Variants in C1R observed in about 807,000 individuals in gnomAD.
C1R encodes the protein complement C1r, also known as complement C1r subcomponent.
A neutral mutation model predicts 27.6 loss-of-function variants in C1R; 15 were observed. The observed-to-expected ratio is 0.54, with a 90% CI of 0.36 to 0.84. The LOEUF (loss-of-function observed/expected upper bound fraction) is 0.84. Ranked by LOEUF, C1R falls within the 40% of genes least tolerant of loss-of-function variation. C1R has a pLI of 0.01. For synonymous variants in C1R, 253 were observed against 228.8 expected, an observed-to-expected ratio of 1.11 and a Z score of -0.95; for missense variants, 544 against 577.9, an observed-to-expected ratio of 0.94 and a Z score of 0.60.
rs1424171711 is a variant in C1R, at chr12:7,080,724, G to C, written c.1926C>G (p.His642Gln). 5 of 1,613,832 alleles carry C rather than the reference G, an allele frequency of 3.1e-6. No individual in the cohort carries two copies. Among genetic ancestry groups the C allele is most frequent in the Non-Finnish European group, 4.2e-6 (5 of 1,179,902 alleles). The change falls in exon 11 of 11, where the codon CAC becomes CAG. Residue 642 changes from histidine to glutamine, a missense_variant. Physicochemically the swap from His to Gln is conservative, Grantham distance 24. Transcript: ENST00000647956. The surrounding 1 kb of genome is among the most constrained non-coding windows in gnomAD (Gnocchi z 4.9). ...VFSQNMFCAG[H>Q]PSLKQDACQG... The stretch of plus-strand genomic sequence containing the variant: ...GGCAGGCGTCCTGCTTTAGAGATGG[G>C]TGTCCAGCACAGAACATGTTTTGAG...
At chr12:7,081,933 C>A in intron 10 of C1R, 99 bp downstream of exon 10, 1 of 992,954 alleles carries the variant, frequency 1.0e-6, no homozygotes, top group Non-Finnish European at 1.5e-6. Context: ...GGATGTTCCC[C>A]TCTTCTCTCC....
At position 7,089,357 on chromosome 12, in the gene C1R, T is replaced by C. The variant is rs763297354; in HGVS notation, c.704A>G (p.Lys235Arg). 263 of 780,588 alleles carry C rather than the reference T, an allele frequency of 3.4e-4. 5 individuals carry two copies. Among genetic ancestry groups the C allele is most frequent in the South Asian group, 2.8e-3 (211 of 74,608 alleles). 48.4% of individuals were successfully genotyped at this position (780,588 alleles called of 1,614,324 possible). The change falls in exon 5 of 11, where the codon AAG (lysine) becomes AGG (arginine). Residue 235 changes from lysine (K) to arginine (R), a missense_variant. Lys to Arg is a conservative substitution (Grantham distance 26, BLOSUM62 2). This residue lies in a region of C1R where 291 missense variants were observed against 209.0 expected (regional missense o/e 1.39). Transcript: ENST00000647956. ...ATCAATATCAAAAGGCTCCAGGAAC[T>C]TGAGGTGCAGGGTGAGGCCCCGCTC... ...RVERGLTLHL[K>R]FLEPFDIDDH...
In C1R at chr12:7,080,953, C is replaced by T. The variant is rs769272957; in HGVS notation, c.1697G>A (p.Ser566Asn). ...GDIALLELEN[S>N]VTLGPNLLPI... ...GAGGAGGTTGGGACCCAGGGTGACA[C>T]TATTTTCCAGCTCCAGCAGGGCGAT... Residue 566 changes from serine to asparagine, a missense_variant, in exon 11 of 11, where the codon AGT becomes AAT. By Grantham distance (46) the Ser-to-Asn change is conservative (BLOSUM62 1). Around this residue, in one of 2 missense-constraint regions of C1R, gnomAD observed 253 missense variants for 368.9 expected, o/e 0.69. Coordinates refer to ENST00000647956, the MANE Select transcript of C1R (RefSeq NM_001733.7). The surrounding 1 kb of genome is among the most constrained non-coding windows in gnomAD (Gnocchi z 4.9). The T allele has an allele frequency of 3.4e-5, 55 of 1,613,342 alleles. 1 individual carries two copies. In the Middle Eastern group the frequency reaches 6.6e-4, roughly 19 times the overall value.
intron 10 of C1R, 105 bp downstream of exon 10, chr12:7,081,927 G>T: frequency 1.1e-6 from 1 of 915,812 alleles, no homozygotes; most frequent in Non-Finnish European, 1.6e-6. Flanking sequence ...CTCCTGGGAT[G>T]TTCCCCTCTT....
At position 7,081,191 on chromosome 12, in the gene C1R, C is replaced by T. The variant is rs1425082922; in HGVS notation, c.1459G>A (p.Gly487Arg). The change falls in exon 11 of 11, where the codon GGG (glycine) becomes AGG (arginine). Residue 487 changes from glycine to arginine, a missense_variant. By Grantham distance (125) the Gly-to-Arg change is moderately radical (BLOSUM62 -2). This residue lies in a region of C1R where 253 missense variants were observed against 368.9 expected (regional missense o/e 0.69). Transcript: ENST00000647956. Reference protein sequence around the residue: ...WQVFTNIHGRGGGALLGDRWI... With the variant: ...WQVFTNIHGRRGGALLGDRWI... ...CGGTCGCCCAGCAGGGCCCCGCCCC[C>T]GCGCCCGTGGATGTTGGTGAACACC... 3.1e-6 allele frequency: 5 copies of T among 1,613,710 alleles called. No homozygotes were observed. The highest frequency in any genetic ancestry group is 2.2e-5 in the South Asian group (2 of 91,070).
At chr12:7,092,193 C>T in intron 1 of C1R, 194 bp downstream of exon 1, 1 of 644,354 alleles carries the variant, frequency 1.6e-6, no homozygotes, top group Non-Finnish European at 2.9e-6. Flanking sequence ...GCATGAGCAT[C>T]TATGTATGAA....
In C1R at chr12:7,089,346, G is replaced by C. The variant is rs371715543; in HGVS notation, c.715C>G (p.Pro239Ala). 11 of 780,472 alleles carry C rather than the reference G, an allele frequency of 1.4e-5. No individual in the cohort carries two copies. The highest frequency in any genetic ancestry group is 4.0e-5 in the South Asian group (3 of 74,594). The allele number at this position is 780,472 out of a possible 1,614,324, so 48.3% of individuals were successfully genotyped here. The change falls in exon 5 of 11, where the codon CCT becomes GCT. Residue 239 changes from proline (P) to alanine (A), a missense_variant. Physicochemically the swap from Pro to Ala is conservative, Grantham distance 27 (BLOSUM62 -1). Around this residue, in one of 2 missense-constraint regions of C1R, gnomAD observed 291 missense variants for 209.0 expected, o/e 1.39. Transcript: ENST00000647956. ...GLTLHLKFLE[P>A]FDIDDHQQVH... The stretch of plus-strand genomic sequence containing the variant: ...TGCTGGTGGTCATCAATATCAAAAG[G>C]CTCCAGGAACTTGAGGTGCAGGGTG...
intron 5 of C1R, 79 bp from the exon 6 acceptor site, chr12:7,089,065 G>GGGT (rs901218235): frequency 4.6e-6 from 3 of 649,506 alleles, no homozygotes; most frequent in East Asian, 2.7e-5. Context: ...CTGGTGGCCA[G>GGGT]GGTGGTGGTG....
Position 7,088,830 on chromosome 12 carries a change from G to A in C1R, c.916+9C>T. The A allele has an allele frequency of 2.6e-6, 2 of 772,144 alleles. No homozygotes were observed. Among genetic ancestry groups the A allele is most frequent in the Non-Finnish European group, 2.4e-6 (1 of 413,624 alleles). The allele number at this position is 772,144 out of a possible 1,614,324, so 47.8% of individuals were successfully genotyped here. On this transcript the variant is annotated intron_variant, in intron 6 of 10. Coordinates refer to ENST00000647956, the MANE Select transcript of C1R (RefSeq NM_001733.7). The stretch of plus-strand genomic sequence containing the variant: ...CTGGCCATCGAGGGAGGCCTGCAGG[G>A]AGCCTTACTCTCGGTGGTGTAGCGC...
At position 7,091,707 on chromosome 12, in the gene C1R, A is replaced by G. The variant is rs1382353787; in HGVS notation, c.3-27T>C. The G allele has an allele frequency of 6.9e-6, 5 of 720,272 alleles. No homozygotes were observed. The highest frequency in any genetic ancestry group is 4.4e-5 in the South Asian group (3 of 67,672). The allele number at this position is 720,272 out of a possible 1,614,324, so 44.6% of individuals were successfully genotyped here. On this transcript the variant is annotated intron_variant, in intron 1 of 10. Coordinates refer to ENST00000647956, the MANE Select transcript of C1R (RefSeq NM_001733.7). The surrounding 1 kb of genome is among the most constrained non-coding windows in gnomAD (Gnocchi z 5.1). ...TGCCAAAACAAAAGAGAGTATCTGGAGCTGGAGGGGTTCAGCACTCTTGCC... is the reference window on the plus strand; with the variant it reads ...TGCCAAAACAAAAGAGAGTATCTGGGGCTGGAGGGGTTCAGCACTCTTGCC...
rs1013183375 is a variant in C1R at position 7,081,122 on chromosome 12, C to T, written c.1528G>A (p.Glu510Lys). Residue 510 changes from glutamate to lysine, a missense_variant, in exon 11 of 11, where the codon GAA becomes AAA. Coordinates refer to ENST00000647956, the MANE Select transcript of C1R (RefSeq NM_001733.7). ...TCCAAAGAGGCGTTGCTTTGCGCTT[C>T]GTGTTCCTTGGGATACAGGGTGTGG... is the stretch of plus-strand genomic sequence containing the variant. ...AAHTLYPKEH[E>K]AQSNASLDVF... 3.8e-5 allele frequency: 62 copies of T among 1,614,056 alleles called. No homozygotes were observed. Among genetic ancestry groups the T allele is most frequent in the Non-Finnish European group, 4.8e-5 (57 of 1,179,894 alleles).
intron 7 of C1R, among the ~76,000 whole-genome samples, chr12:7,088,035 G>A (rs981515192): frequency 5.3e-5 from 8 of 152,172 alleles, no homozygotes; most frequent in East Asian, 1.9e-4. Context: ...GGTGGGCGCA[G>A]GGGGAGACCA....
At position 7,081,181 on chromosome 12, in the gene C1R, GC is replaced by G; in HGVS notation, c.1468del (p.Ala490ProfsTer41). 6.2e-7 allele frequency: 1 copy of G among 1,613,890 alleles called. No homozygotes were observed. The highest frequency in any genetic ancestry group is 8.5e-7 in the Non-Finnish European group (1 of 1,179,820). On this transcript the variant is annotated frameshift_variant, in exon 11 of 11. Coordinates refer to ENST00000647956, the MANE Select transcript of C1R (RefSeq NM_001733.7). LOFTEE classifies it low-confidence loss of function (END_TRUNC). ...GAGGATCCAGCGGTCGCCCAGCAGG[GC>G]CCCGCCCCCGCGCCCGTGGATGTTG... ...FTNIHGRGGG[A>X]LLGDRWILTA...
At position 7,089,276 on chromosome 12, in the gene C1R, G is replaced by A. The variant is rs1209630482; in HGVS notation, c.768+17C>T. 1 of 778,652 alleles carries A rather than the reference G, an allele frequency of 1.3e-6. No homozygotes were observed. The highest frequency in any genetic ancestry group is 1.7e-5 in the African/African-American group (1 of 59,216). The allele number at this position is 778,652 out of a possible 1,614,324, so 48.2% of individuals were successfully genotyped here. A position where few individuals can be genotyped will look rare whatever the true frequency, so the allele number is the denominator to read the frequency against. Reference sequence around the variant, plus strand: ...AGAAGGGGAGGAAGGGGTCTTTCAGGGGTAGGACGGCTGTACCTGTAGCTG... The same window carrying A: ...AGAAGGGGAGGAAGGGGTCTTTCAGAGGTAGGACGGCTGTACCTGTAGCTG... On this transcript the variant is annotated intron_variant, in intron 5 of 10. Coordinates refer to ENST00000647956, the MANE Select transcript of C1R (RefSeq NM_001733.7).
intron 2 of C1R, 159 bp from the exon 3 acceptor site, chr12:7,090,407 C>A: frequency 1.7e-6 from 1 of 603,642 alleles, no homozygotes; most frequent in Non-Finnish European, 2.9e-6. Flanking sequence ...CAAACTTCCC[C>A]ATGTGACTTT....
At chr12:7,085,315 G>A (rs1326581461) in intron 9 of C1R, among the ~76,000 whole-genome samples, 1 of 146,018 alleles carries the variant, frequency 6.8e-6, no homozygotes, top group East Asian at 2.0e-4. Context: ...TGGTGATGGT[G>A]GTGTTAGTGT....
At position 7,080,480 on chromosome 12, in the gene C1R, G is replaced by GT. The variant is rs374614759; in HGVS notation, c.*51dup. ...ATCAACAACTGGTCAGTTGTTTTTT[G>GT]TTTTTTTTTTTCCACACTGCTCTCT... On this transcript the variant is annotated 3_prime_UTR_variant, in exon 11 of 11. Transcript: ENST00000647956. This position sits in a 1 kb window ranked among gnomAD's most constrained non-coding sequence, Gnocchi z 4.9. The GT allele has an allele frequency of 0.072, 65,822 of 919,626 alleles. No individual in the cohort carries two copies. Among genetic ancestry groups the GT allele is most frequent in the South Asian group, 0.098 (4,888 of 49,994 alleles). 57.0% of individuals were successfully genotyped at this position (919,626 alleles called of 1,614,324 possible).
intron 7 of C1R, chr12:7,086,711 C>T: frequency 3.0e-6 from 1 of 337,474 alleles, no homozygotes; most frequent in Non-Finnish European, 5.3e-6. Context: ...ATCATCCTCT[C>T]TCTAGACTGT....
At chr12:7,085,573 G>GA (rs1226940468) in intron 9 of C1R, among the ~76,000 whole-genome samples, 8 of 152,008 alleles carry the variant, frequency 5.3e-5, no homozygotes, top group Admixed American at 2.6e-4. Context: ...TAGTGGTGGT[G>GA]ATGGCAGTGA....
Sources: allele counts gnomAD v4.1 joint callset (sites outside exome capture counted in the v4.1 genomes callset), GRCh38; gene constraint gnomAD v4.1.1; regional missense constraint gnomAD v4.1.1; non-coding constraint Gnocchi (gnomAD v3.1); transcripts MANE v1.5; gene names NCBI Gene and HGNC (gene_info 2026-07-23, HGNC 2026-07-21).